ULK4: variants seen among roughly 807,000 people sequenced by gnomAD.
The protein encoded by ULK4 is unc-51 like kinase 4.
In ULK4, 133 loss-of-function variants were observed where a neutral mutation model predicts 160.6. The ratio of observed to expected loss-of-function variants is 0.83; its 90% confidence interval spans 0.72 to 0.96. ULK4 has a LOEUF of 0.96. Ranked by LOEUF, ULK4 falls within the 40% of genes least tolerant of loss-of-function variation. The pLI is 0.00. For synonymous variants in ULK4, 534 were observed against 539.8 expected, an observed-to-expected ratio of 0.99 and a Z score of 0.15; for missense variants, 1,580 against 1,499.5, an observed-to-expected ratio of 1.05 and a Z score of -0.89.
chr3:41,423,936 T>C (rs1490874388), intron 34 of ULK4, among the ~76,000 whole-genome samples: 3 of 152,134 alleles, frequency 2.0e-5, no homozygotes, highest in South Asian at 2.1e-4. Flanking sequence ...ACAGAGTTTA[T>C]AGATTTTCAG....
intron 31 of ULK4, among the ~76,000 whole-genome samples, chr3:41,590,914 G>C (rs2031256512): frequency 6.6e-6 from 1 of 151,996 alleles, no homozygotes; most frequent in Non-Finnish European, 1.5e-5. Flanking sequence ...GCTTTTTGAA[G>C]AAACGATGGT....
intron 17 of ULK4, among the ~76,000 whole-genome samples, chr3:41,839,681 A>T (rs562626862): frequency 1.3e-5 from 2 of 152,222 alleles, no homozygotes; most frequent in South Asian, 4.1e-4. Context: ...GTCAACACAG[A>T]AAGTCCCAAA....
chr3:41,348,576 C>T (rs949827016), intron 35 of ULK4, among the ~76,000 whole-genome samples: 2 of 152,238 alleles, frequency 1.3e-5, no homozygotes, highest in East Asian at 3.9e-4. Flanking sequence ...AGTCCTACAC[C>T]CTTTATGCTG....
intron 21 of ULK4, among the ~76,000 whole-genome samples, chr3:41,755,425 C>T (rs2038767280): frequency 6.6e-6 from 1 of 152,160 alleles, no homozygotes; most frequent in African/African-American, 2.4e-5. Flanking sequence ...GTCTCACCTA[C>T]TTCCTGAACC....
chr3:41,843,440 G>A (rs560208077), intron 17 of ULK4, among the ~76,000 whole-genome samples: 8 of 152,174 alleles, frequency 5.3e-5, no homozygotes, highest in South Asian at 2.1e-4. Flanking sequence ...GCGGTGTGTC[G>A]GGAGTTTGTT....
chr3:41,658,520 T>G (rs1312617172), intron 30 of ULK4, among the ~76,000 whole-genome samples: 1 of 152,242 alleles, frequency 6.6e-6, no homozygotes, highest in African/African-American at 2.4e-5. Context: ...AGCTTTGTTT[T>G]GTAACACCAA....
chr3:41,285,736 G>GA (rs1005236114), intron 35 of ULK4, among the ~76,000 whole-genome samples: 6 of 152,222 alleles, frequency 3.9e-5, no homozygotes, highest in South Asian at 2.1e-4. Context: ...ATAACCTATG[G>GA]AAAAATTAAA....
chr3:41,839,465 C>T (rs1183275220), intron 17 of ULK4, among the ~76,000 whole-genome samples: 2 of 148,984 alleles, frequency 1.3e-5, no homozygotes, highest in Admixed American at 6.7e-5. Flanking sequence ...CAATTATTTG[C>T]TAATTAAATT....
intron 19 of ULK4, among the ~76,000 whole-genome samples, chr3:41,815,157 T>C (rs1272042669): frequency 6.6e-6 from 1 of 152,244 alleles, no homozygotes; most frequent in Non-Finnish European, 1.5e-5. Flanking sequence ...TCCGCCTGCC[T>C]TGGCCTCCCA....
chr3:41,818,389 C>T (rs891909966), intron 19 of ULK4, among the ~76,000 whole-genome samples: 3 of 152,182 alleles, frequency 2.0e-5, no homozygotes, highest in Non-Finnish European at 4.4e-5. Context: ...TTCACTCCCA[C>T]AATAGGTGAG....
chr3:41,817,404 A>G (rs935724613), intron 19 of ULK4, among the ~76,000 whole-genome samples: 2 of 152,226 alleles, frequency 1.3e-5, no homozygotes, highest in African/African-American at 2.4e-5. Flanking sequence ...GACAAAGAAA[A>G]TGTAGTACAT....
At chr3:41,581,872 G>A (rs1401050296) in intron 31 of ULK4, among the ~76,000 whole-genome samples, 1 of 152,204 alleles carries the variant, frequency 6.6e-6, no homozygotes, top group African/African-American at 2.4e-5. Context: ...TGAACTTGGA[G>A]AGGAGCAAAG....
chr3:41,846,268 GA>G (rs1245222309), intron 17 of ULK4, among the ~76,000 whole-genome samples: 4 of 151,916 alleles, frequency 2.6e-5, no homozygotes, highest in Admixed American at 1.3e-4. Flanking sequence ...ATAATAAAAA[GA>G]AAAATATAAG....
chr3:41,796,425 C>A, intron 20 of ULK4, among the ~76,000 whole-genome samples: 1 of 152,074 alleles, frequency 6.6e-6, no homozygotes, highest in East Asian at 1.9e-4. Context: ...ATCCTCTCTA[C>A]TAAAAACTAC....
At chr3:41,648,820 G>C (rs2034617815) in intron 30 of ULK4, among the ~76,000 whole-genome samples, 3 of 152,134 alleles carry the variant, frequency 2.0e-5, no homozygotes, top group Admixed American at 6.5e-5. Flanking sequence ...AGGAGAGAAA[G>C]CATCAGAAAA....
chr3:41,326,861 C>A (rs1339655429), intron 35 of ULK4, among the ~76,000 whole-genome samples: 2 of 152,266 alleles, frequency 1.3e-5, no homozygotes, highest in East Asian at 1.9e-4. Flanking sequence ...ATCAGAGGGA[C>A]CCCCGACTCA....
At chr3:41,258,576 T>C (rs1482504666) in intron 35 of ULK4, 1 of 152,212 alleles carries the variant, frequency 6.6e-6, no homozygotes, top group Non-Finnish European at 1.5e-5. Context: ...TTTGCAATAA[T>C]GTACTATAGC....
intron 35 of ULK4, among the ~76,000 whole-genome samples, chr3:41,294,454 A>G (rs1246673488): frequency 6.6e-6 from 1 of 152,246 alleles, no homozygotes; most frequent in African/African-American, 2.4e-5. Context: ...AAGACAACAG[A>G]TCATTTGAGA....
chr3:41,769,838 T>C (rs1029365212), intron 21 of ULK4, among the ~76,000 whole-genome samples: 2 of 152,142 alleles, frequency 1.3e-5, no homozygotes, highest in Non-Finnish European at 2.9e-5. Context: ...CTTACAAATC[T>C]CAAGGGGTAA....
Sources: gnomAD v4.1 joint callset for allele counts (sites outside exome capture counted in the v4.1 genomes callset) on GRCh38, gnomAD v4.1.1 for gene constraint, MANE v1.5 for transcripts, NCBI Gene and HGNC (gene_info 2026-07-23, HGNC 2026-07-21) for gene names.